Variants in CLPTM1L observed in about 807,000 individuals in gnomAD.
The protein encoded by CLPTM1L is lipid scramblase CLPTM1L.
Under a neutral mutation model 70.9 loss-of-function variants are expected in CLPTM1L, and 38 were observed. The ratio of observed to expected loss-of-function variants is 0.54; its 90% CI spans 0.41 to 0.70. The LOEUF is 0.70. Among genes scored for constraint, CLPTM1L ranks in the 30% least tolerant of loss-of-function variants. CLPTM1L has a pLI of 0.00. For synonymous variants in CLPTM1L, 339 were observed against 299.9 expected (o/e 1.13, Z -1.35); for missense variants, 652 against 705.9 (o/e 0.92, Z 0.87).
chr5:1,339,052 GC>G lies in CLPTM1L; in HGVS notation c.454-48del, dbSNP rs1478133776. ...GGCCAATGCTGGGACAGAAAACCAT[GC>G]CCAGGACAGCAGGGTCAGCCCCCTA... On this transcript the variant is annotated intron_variant, in intron 3 of 16. Coordinates refer to ENST00000320895, the MANE Select transcript of CLPTM1L (RefSeq NM_030782.5). The G allele has an allele frequency of 5.0e-6, 8 of 1,591,594 alleles. No homozygotes were observed. The African/African-American group carries it at 5.4e-5, about 11-fold the overall frequency.
At chr5:1,332,166 C>G in intron 7 of CLPTM1L, 1 of 426,834 alleles carries the variant, frequency 2.3e-6, no homozygotes, top group South Asian at 3.1e-5. Context: ...GCTCTGGATT[C>G]CCCTGGATCA....
intron 16 of CLPTM1L, among the ~76,000 whole-genome samples, chr5:1,319,157 G>A (rs751217565): frequency 6.6e-6 from 1 of 152,200 alleles, no homozygotes; most frequent in Non-Finnish European, 1.5e-5. Context: ...CACACCAGGC[G>A]CAGCAGCGTC....
At position 1,330,164 on chromosome 5, in the gene CLPTM1L, C is replaced by T. The variant is rs1017539866; in HGVS notation, c.1080+116G>A. The T allele has an allele frequency of 1.9e-5, 16 of 826,328 alleles. No homozygotes were observed. In the Admixed American group the frequency reaches 2.2e-4, roughly 12 times the overall value. The allele number at this position is 826,328 out of a possible 1,614,324, so 51.2% of individuals were successfully genotyped here. A position where few individuals can be genotyped will look rare whatever the true frequency, so the allele number is the denominator to read the frequency against. Reference sequence around the variant, plus strand: ...ACAGCTTCCAGAACACTGAGGCCATCGGGAACAAGCACACAGGCTTCCACA... The same window carrying T: ...ACAGCTTCCAGAACACTGAGGCCATTGGGAACAAGCACACAGGCTTCCACA... On this transcript the variant is annotated intron_variant, in intron 9 of 16. Coordinates refer to ENST00000320895, the MANE Select transcript of CLPTM1L (RefSeq NM_030782.5).
At position 1,334,992 on chromosome 5, in the gene CLPTM1L, G is replaced by C. The variant is rs1410617269; in HGVS notation, c.796+65C>G. The C allele has an allele frequency of 4.7e-6, 6 of 1,264,344 alleles. No individual in the cohort carries two copies. In the Admixed American group the frequency reaches 8.8e-5, roughly 19 times the overall value. 78.3% of individuals were successfully genotyped at this position (1,264,344 alleles called of 1,614,324 possible). On this transcript the variant is annotated intron_variant, in intron 6 of 16. Coordinates refer to ENST00000320895, the MANE Select transcript of CLPTM1L (RefSeq NM_030782.5). ...GAGGCCCCGGCCTGTGTCAGGATTCGCACTTGGATGCCCGAGGGGCTCCAG... is the reference window on the plus strand; with the variant it reads ...GAGGCCCCGGCCTGTGTCAGGATTCCCACTTGGATGCCCGAGGGGCTCCAG...
intron 16 of CLPTM1L, among the ~76,000 whole-genome samples, chr5:1,319,270 A>G (rs962204062): frequency 4.2e-5 from 6 of 142,202 alleles, no homozygotes; most frequent in African/African-American, 1.6e-4. Context: ...GCCCCGTGTG[A>G]GTGTGAGTGT....
chr5:1,325,717 G>A (rs1181472118), intron 10 of CLPTM1L, 34 bp downstream of exon 10: 7 of 1,584,004 alleles, frequency 4.4e-6, no homozygotes, highest in South Asian at 2.2e-5. Flanking sequence ...TCTTCAGAGA[G>A]GCTTGGGGTT....
intron 5 of CLPTM1L, 56 bp downstream of exon 5, chr5:1,337,848 G>T: frequency 7.1e-7 from 1 of 1,411,678 alleles, no homozygotes; most frequent in Non-Finnish European, 9.9e-7. Flanking sequence ...TGCGGGGCCA[G>T]TCTTGGGGTC....
intron 11 of CLPTM1L, chr5:1,324,175 A>C: frequency 2.4e-6 from 1 of 422,082 alleles, no homozygotes; most frequent in East Asian, 3.7e-5. Flanking sequence ...ATGGAAAGAA[A>C]CCGGAAAAAA....
chr5:1,332,937 G>A lies in CLPTM1L; in HGVS notation c.892-1054C>T, dbSNP rs193246021. On this transcript the variant is annotated intron_variant, in intron 7 of 16. Coordinates refer to ENST00000320895, the MANE Select transcript of CLPTM1L (RefSeq NM_030782.5). ...TAACACCAGATGAGGATAAGGGGCG[G>A]ACTACTGTATATACACTGGATGAGA... Among the ~76,000 whole-genome samples, 127 of 151,716 alleles carry A rather than the reference G, an allele frequency of 8.4e-4. 1 individual carries two copies. Among genetic ancestry groups the A allele is most frequent in the Middle Eastern group, 3.4e-3 (1 of 292 alleles).
chr5:1,332,193 C>T (rs532353604), intron 7 of CLPTM1L: 2 of 357,688 alleles, frequency 5.6e-6, no homozygotes, highest in African/African-American at 2.0e-5. Flanking sequence ...TGGCTGGGCA[C>T]CCCTGCTCTC....
In CLPTM1L at chr5:1,321,618, C is replaced by A; in HGVS notation, c.1416+17G>T. ...CTGCTCAGTGAGAAGGGATTCCTCA[C>A]CGGCTGTCACACTCACCTTGTAGGT... On this transcript the variant is annotated intron_variant, in intron 15 of 16. Coordinates refer to ENST00000320895, the MANE Select transcript of CLPTM1L (RefSeq NM_030782.5). 1.2e-6 allele frequency: 2 copies of A among 1,612,488 alleles called. No homozygotes were observed. The highest frequency in any genetic ancestry group is 1.7e-6 in the Non-Finnish European group (2 of 1,178,740).
chr5:1,328,930 CTACA>C (rs1752867989), intron 9 of CLPTM1L, among the ~76,000 whole-genome samples: 2 of 150,932 alleles, frequency 1.3e-5, no homozygotes, highest in Non-Finnish European at 2.9e-5. Flanking sequence ...AGCTCCTCCT[CTACA>C]GGGACATTCC....
chr5:1,320,808 G>A, intron 15 of CLPTM1L, 77 bp from the exon 16 acceptor site: 1 of 766,900 alleles, frequency 1.3e-6, no homozygotes, highest in Non-Finnish European at 2.1e-6. Context: ...ACCTAACCAA[G>A]CCAACGGCTT....
intron 16 of CLPTM1L, chr5:1,320,384 G>A (rs149213740): frequency 1.4e-5 from 6 of 420,318 alleles, no homozygotes; most frequent in African/African-American, 1.0e-4. Context: ...ACATAGAAAC[G>A]AGCATTTCTA....
intron 15 of CLPTM1L, among the ~76,000 whole-genome samples, chr5:1,321,240 C>CT (rs1467414492): frequency 6.6e-6 from 1 of 152,286 alleles, no homozygotes; most frequent in Non-Finnish European, 1.5e-5. Flanking sequence ...CCAAGGGGGC[C>CT]TCCACAGCTC....
intron 9 of CLPTM1L, among the ~76,000 whole-genome samples, chr5:1,329,719 T>C (rs459680): frequency 0.044 from 1,970 of 44,526 alleles, 117 homozygotes; most frequent in Non-Finnish European, 0.06. Flanking sequence ...GACTCTCTGC[T>C]TGGTGGACAG....
intron 9 of CLPTM1L, among the ~76,000 whole-genome samples, chr5:1,328,411 C>T (rs1453850085): frequency 4.0e-5 from 6 of 148,288 alleles, no homozygotes; most frequent in Admixed American, 3.3e-4. Flanking sequence ...TCCTCCTCTA[C>T]AGACACATTC....
intron 3 of CLPTM1L, among the ~76,000 whole-genome samples, chr5:1,340,611 G>A (rs762796787): frequency 6.6e-6 from 1 of 152,162 alleles, no homozygotes; most frequent in Non-Finnish European, 1.5e-5. Flanking sequence ...CCAGATGAGG[G>A]GACACGGAGA....
intron 2 of CLPTM1L, among the ~76,000 whole-genome samples, chr5:1,343,951 T>C (rs1754107364): frequency 6.6e-6 from 1 of 152,264 alleles, no homozygotes; most frequent in Non-Finnish European, 1.5e-5. Flanking sequence ...AATTGCTTCC[T>C]CTATCCTCAT....
Sources: gnomAD v4.1 joint callset for allele counts (sites outside exome capture counted in the v4.1 genomes callset) on GRCh38, gnomAD v4.1.1 for gene constraint, MANE v1.5 for transcripts, NCBI Gene and HGNC (gene_info 2026-07-23, HGNC 2026-07-21) for gene names.